The following ANKRD16 variants were observed in gnomAD, a reference collection of about 807,000 sequenced individuals.
ANKRD16 encodes ankyrin repeat domain 16.
Under a neutral mutation model 37.9 loss-of-function variants are expected in ANKRD16, and 35 were observed. The ratio of observed to expected loss-of-function variants is 0.92; its 90% CI spans 0.71 to 1.23. The LOEUF (loss-of-function observed/expected upper bound fraction) is 1.23, where lower values mean the gene tolerates loss of function less well. ANKRD16 is among the 50% of genes most tolerant of loss of function. The pLI is 0.00. For missense variants in ANKRD16, 480 were observed against 469.9 expected (o/e 1.02, Z -0.20); for synonymous variants, 206 against 197.2 (o/e 1.04, Z -0.37).
intron 2 of ANKRD16, among the ~76,000 whole-genome samples, chr10:5,886,874 A>G (rs1412791685): frequency 6.6e-6 from 1 of 152,258 alleles, no homozygotes; most frequent in African/African-American, 2.4e-5. Context: ...GTTAAGAGTC[A>G]CTACTCCAAA....
At position 5,889,281 on chromosome 10, in the gene ANKRD16, T is replaced by C; in HGVS notation, c.74A>G (p.Glu25Gly). The C allele has an allele frequency of 7.0e-7, 1 of 1,428,366 alleles. No homozygotes were observed. Among genetic ancestry groups the C allele is most frequent in the Non-Finnish European group, 9.1e-7 (1 of 1,097,206 alleles). 88.5% of individuals were successfully genotyped at this position (1,428,366 alleles called of 1,614,324 possible). A position where few individuals can be genotyped will look rare whatever the true frequency, so the allele number is the denominator to read the frequency against. Residue 25 changes from glutamate (E) to glycine (G), a missense_variant, in exon 1 of 8, where the codon GAG becomes GGG. Coordinates refer to ENST00000380094, the MANE Select transcript of ANKRD16 (RefSeq NM_019046.3). ...QEGRLRALKE[E>G]LQAAGGCPGP... is the part of the protein sequence containing the mutation. ...CGGGCAGCCCCCGGCCGCCTGCAGC[T>C]CCTCCTTCAGGGCGCGCAGCCGGCC...
At position 5,862,482 on chromosome 10, in the gene ANKRD16, G is replaced by T; in HGVS notation, c.*243C>A. On this transcript the variant is annotated 3_prime_UTR_variant, in exon 8 of 8. Transcript: ENST00000380094. This position sits in a 1 kb window ranked among gnomAD's most constrained non-coding sequence, Gnocchi z 6.5. ...GGTGATGTCATCAGCAACCATTTTT[G>T]GAGACAGACCCAGGGAGCTGACCTT... The T allele has an allele frequency of 1.6e-6, 1 of 625,432 alleles. No homozygotes were observed. Among genetic ancestry groups the T allele is most frequent in the Non-Finnish European group, 2.5e-6 (1 of 401,036 alleles). 38.7% of individuals were successfully genotyped at this position (625,432 alleles called of 1,614,324 possible). A position where few individuals can be genotyped will look rare whatever the true frequency, so the allele number is the denominator to read the frequency against.
rs1473263862 is a variant in ANKRD16, at chr10:5,863,102, T to TGGGCTTTCAACACGAGGCCTCCCC, written c.*34-435_*34-412dup. ...TGATCCTGCCACGTCCCTGACTCCA[T>TGGGCTTTCAACACGAGGCCTCCCC]GGGCTTTCAACACGAGGCCTCCCCA... On this transcript the variant is annotated intron_variant, in intron 7 of 7. Coordinates refer to ENST00000380094, the MANE Select transcript of ANKRD16 (RefSeq NM_019046.3). The surrounding 1 kb of genome is among the most constrained non-coding windows in gnomAD (Gnocchi z 4.7). Among the ~76,000 whole-genome samples, 1 of 152,062 alleles carries TGGGCTTTCAACACGAGGCCTCCCC rather than the reference T, an allele frequency of 6.6e-6. No individual in the cohort carries two copies. Among genetic ancestry groups the TGGGCTTTCAACACGAGGCCTCCCC allele is most frequent in the Non-Finnish European group, 1.5e-5 (1 of 68,016 alleles).
chr10:5,862,774 C>G lies in ANKRD16; in HGVS notation c.*34-83G>C. On this transcript the variant is annotated intron_variant, in intron 7 of 7. Coordinates refer to ENST00000380094, the MANE Select transcript of ANKRD16 (RefSeq NM_019046.3). This position sits in a 1 kb window ranked among gnomAD's most constrained non-coding sequence, Gnocchi z 6.5. Reference sequence around the variant, plus strand: ...GGCAAGCAGCTAGCACAAGGTCCCACAGCTGGACTCAGGGCTGCTGGCTAC... The same window carrying G: ...GGCAAGCAGCTAGCACAAGGTCCCAGAGCTGGACTCAGGGCTGCTGGCTAC... 1.1e-6 allele frequency: 1 copy of G among 951,126 alleles called. No homozygotes were observed. Among genetic ancestry groups the G allele is most frequent in the Non-Finnish European group, 1.5e-6 (1 of 680,926 alleles). The allele number at this position is 951,126 out of a possible 1,614,324, so 58.9% of individuals were successfully genotyped here.
intron 5 of ANKRD16, chr10:5,882,778 C>T: frequency 5.1e-6 from 2 of 392,620 alleles, no homozygotes; most frequent in Non-Finnish European, 9.1e-6. Context: ...GGGGGAGGCA[C>T]TTTATGGAGT....
Position 5,878,804 on chromosome 10 carries a change from A to AAAAGAAACTTAT in ANKRD16, c.929-529_929-518dup, listed in dbSNP as rs1299055683. Reference sequence around the variant, plus strand: ...CTGCCTCAAAAAAAAAAAAAAAAGAAAAAGAAACTTATCTAAAGCAAGAAG... The same window carrying AAAAGAAACTTAT: ...CTGCCTCAAAAAAAAAAAAAAAAGAAAAAGAAACTTATAAAGAAACTTATCTAAAGCAAGAAG... On this transcript the variant is annotated intron_variant, in intron 6 of 7. Transcript: ENST00000380094. The surrounding 1 kb of genome is among the most constrained non-coding windows in gnomAD (Gnocchi z 5.1). 6.6e-6 allele frequency among the ~76,000 whole-genome samples: 1 copy of AAAAGAAACTTAT among 152,066 alleles called. No individual in the cohort carries two copies. The highest frequency in any genetic ancestry group is 2.4e-5 in the African/African-American group (1 of 41,438).
intron 3 of ANKRD16, among the ~76,000 whole-genome samples, chr10:5,884,517 G>A (rs940121853): frequency 2.6e-5 from 4 of 152,110 alleles, no homozygotes; most frequent in Non-Finnish European, 1.5e-5. Context: ...GATCACCTGA[G>A]GTCAGGAGTT....
At chr10:5,885,307 A>G (rs569126478) in intron 3 of ANKRD16, among the ~76,000 whole-genome samples, 1 of 152,124 alleles carries the variant, frequency 6.6e-6, no homozygotes, top group Non-Finnish European at 1.5e-5. Context: ...CAGCTTCCTG[A>G]GTAGCTGGGA....
rs537719191 is a variant in ANKRD16, at chr10:5,889,730, G to A, written c.-376C>T. On this transcript the variant is annotated 5_prime_UTR_variant, in exon 1 of 8. Transcript: ENST00000380094. ...AGCTGCAGCGGCCCGTACGTGATTC[G>A]GGACTGAACACGTAAGGGAGTGGGG... is the stretch of plus-strand genomic sequence containing the variant. 2.5e-5 allele frequency: 4 copies of A among 162,364 alleles called. No individual in the cohort carries two copies. The highest frequency in any genetic ancestry group is 1.8e-4 in the East Asian group (1 of 5,588). The allele number at this position is 162,364 out of a possible 1,614,324, so 10.1% of individuals were successfully genotyped here.
Position 5,871,669 on chromosome 10 carries a change from C to T in ANKRD16, c.*33+6428G>A, listed in dbSNP as rs979327651. 6.6e-6 allele frequency among the ~76,000 whole-genome samples: 1 copy of T among 152,100 alleles called. No homozygotes were observed. On this transcript the variant is annotated intron_variant, in intron 7 of 7. Transcript: ENST00000380094. This position sits in a 1 kb window ranked among gnomAD's most constrained non-coding sequence, Gnocchi z 4.5. ...CTCTGAGAAGGAAACTCTCCTTCTGCATCTGGAGCTGAGCTCCCCAAGGGC... is the reference window on the plus strand; with the variant it reads ...CTCTGAGAAGGAAACTCTCCTTCTGTATCTGGAGCTGAGCTCCCCAAGGGC...
chr10:5,872,701 C>CAT (rs1842115835), intron 7 of ANKRD16, among the ~76,000 whole-genome samples: 4 of 150,960 alleles, frequency 2.6e-5, no homozygotes, highest in Non-Finnish European at 4.4e-5. Context: ...GGACTACAGG[C>CAT]GCCCGCCACC....
At chr10:5,881,045 T>C (rs587655) in intron 5 of ANKRD16, 276,273 of 323,882 alleles carry the variant, frequency 0.85, 118,271 homozygotes, top group Admixed American at 0.88. Flanking sequence ...GGGATCCTCC[T>C]GTCTCAGCCT....
intron 3 of ANKRD16, among the ~76,000 whole-genome samples, chr10:5,885,216 T>G (rs1842398955): frequency 6.6e-6 from 1 of 152,332 alleles, no homozygotes; most frequent in Non-Finnish European, 1.5e-5. Context: ...AGTCTTGCTC[T>G]GTTGCCAAGG....
At position 5,871,988 on chromosome 10, in the gene ANKRD16, G is replaced by A. The variant is rs745701835; in HGVS notation, c.*33+6109C>T. The stretch of plus-strand genomic sequence containing the variant: ...CCTCCAGTGATCAAATCCAACAGCC[G>A]TTTCTGTCCCCAACCTGCCGCCCTT... On this transcript the variant is annotated intron_variant, in intron 7 of 7. Coordinates refer to ENST00000380094, the MANE Select transcript of ANKRD16 (RefSeq NM_019046.3). The surrounding 1 kb of genome is among the most constrained non-coding windows in gnomAD (Gnocchi z 4.5). Among the ~76,000 whole-genome samples the A allele has an allele frequency of 2.0e-5, 3 of 151,860 alleles. No homozygotes were observed. The highest frequency in any genetic ancestry group is 4.4e-5 in the Non-Finnish European group (3 of 68,002).
rs1222404957 is a variant in ANKRD16, at chr10:5,870,602, G to A, written c.*33+7495C>T. 2.0e-5 allele frequency among the ~76,000 whole-genome samples: 3 copies of A among 152,254 alleles called. No individual in the cohort carries two copies. The highest frequency in any genetic ancestry group is 6.8e-3 in the Middle Eastern group (2 of 294). ...TTTTGTAGAGGCAGGGTCTCACCATGTTGTCCAGGCTGGTCTCAAGCCATC... is the reference window on the plus strand; with the variant it reads ...TTTTGTAGAGGCAGGGTCTCACCATATTGTCCAGGCTGGTCTCAAGCCATC... On this transcript the variant is annotated intron_variant, in intron 7 of 7. Transcript: ENST00000380094. This position sits in a 1 kb window ranked among gnomAD's most constrained non-coding sequence, Gnocchi z 5.0.
chr10:5,873,585 C>T (rs1173743004), intron 7 of ANKRD16, among the ~76,000 whole-genome samples: 1 of 152,130 alleles, frequency 6.6e-6, no homozygotes, highest in Non-Finnish European at 1.5e-5. Flanking sequence ...TACAATAGGC[C>T]TTACAAACAA....
intron 7 of ANKRD16, among the ~76,000 whole-genome samples, chr10:5,867,716 A>G (rs1171856593): frequency 1.3e-5 from 2 of 152,130 alleles, no homozygotes; most frequent in Non-Finnish European, 2.9e-5. Flanking sequence ...AGGGTTAGGA[A>G]TGGCCACTGC....
chr10:5,876,028 C>T (rs144981250), intron 7 of ANKRD16, among the ~76,000 whole-genome samples: 8 of 152,282 alleles, frequency 5.3e-5, no homozygotes, highest in African/African-American at 1.9e-4. Flanking sequence ...GGATTACAGG[C>T]GCATGCCACC....
At chr10:5,884,779 G>A (rs1442660846) in intron 3 of ANKRD16, among the ~76,000 whole-genome samples, 1 of 149,438 alleles carries the variant, frequency 6.7e-6, no homozygotes, top group Admixed American at 6.7e-5. Flanking sequence ...CAATGTGGCT[G>A]ATAGCATTCA....
Sources: gnomAD v4.1 joint callset for allele counts (sites outside exome capture counted in the v4.1 genomes callset) on GRCh38, gnomAD v4.1.1 for gene constraint, Gnocchi (gnomAD v3.1) non-coding constraint, MANE v1.5 for transcripts, NCBI Gene and HGNC (gene_info 2026-07-23, HGNC 2026-07-21) for gene names.